Variants in IFT52 observed in about 807,000 individuals in gnomAD.
IFT52 encodes intraflagellar transport 52, also known as intraflagellar transport protein 52 homolog.
In IFT52, 44 loss-of-function variants were observed where a neutral mutation model predicts 54.4. The observed-to-expected ratio is 0.81, with a 90% CI of 0.63 to 1.04. IFT52 has a LOEUF of 1.04. Ranked by LOEUF, IFT52 falls within the 50% of genes least tolerant of loss-of-function variation. The pLI is 0.00. For synonymous variants in IFT52, 181 were observed against 185.3 expected (o/e 0.98, Z 0.19); for missense variants, 452 against 523.6 (o/e 0.86, Z 1.33).
rs552694315 is a variant in IFT52 at position 43,635,961 on chromosome 20, T to G, written c.959T>G (p.Leu320Arg). ...HEQLNVKHEP[L>R]QLIQPQFETP... ...CAGCTAAATGTGAAACATGAACCACTCCAGCTCATCCAGCCTCAGTTTGAG... is the reference window on the plus strand; with the variant it reads ...CAGCTAAATGTGAAACATGAACCACGCCAGCTCATCCAGCCTCAGTTTGAG... The change falls in exon 11 of 14, where the codon CTC becomes CGC. Residue 320 changes from leucine (L) to arginine (R), a missense_variant. By Grantham distance (102) the Leu-to-Arg change is moderately radical (BLOSUM62 -2). Transcript: ENST00000373030. 6.2e-7 allele frequency: 1 copy of G among 1,614,192 alleles called. No individual in the cohort carries two copies. Among genetic ancestry groups the G allele is most frequent in the Non-Finnish European group, 8.5e-7 (1 of 1,180,022 alleles).
Position 43,643,770 on chromosome 20 carries a change from A to G in IFT52, c.1266+1146A>G, listed in dbSNP as rs1231674178. Among the ~76,000 whole-genome samples, 7 of 58,382 alleles carry G rather than the reference A, an allele frequency of 1.2e-4. 3 individuals are homozygous for G. The Admixed American group carries it at 1.4e-3, about 11-fold the overall frequency. The allele number at this position is 58,382 out of a possible 152,430, so 38.3% of individuals were successfully genotyped here. A position where few individuals can be genotyped will look rare whatever the true frequency, so the allele number is the denominator to read the frequency against. On this transcript the variant is annotated intron_variant, in intron 13 of 13. Coordinates refer to ENST00000373030, the MANE Select transcript of IFT52 (RefSeq NM_016004.5). ...GTGACAAGAGAACAGAGGAAAGGAC[A>G]GAGCAGTAGAACATGAGGTGATCAC...
chr20:43,646,338 G>T (rs968687349), intron 13 of IFT52, among the ~76,000 whole-genome samples: 5 of 152,156 alleles, frequency 3.3e-5, no homozygotes, highest in Non-Finnish European at 7.3e-5. Flanking sequence ...GACCAATTAG[G>T]TTCTGAGCCT....
At chr20:43,616,843 A>G (rs1027472353) in intron 7 of IFT52, among the ~76,000 whole-genome samples, 2 of 152,056 alleles carry the variant, frequency 1.3e-5, no homozygotes, top group East Asian at 3.9e-4. Context: ...CAACATAGTA[A>G]GACCTGTCTC....
chr20:43,604,306 C>A, intron 5 of IFT52, 48 bp downstream of exon 5: 1 of 1,352,974 alleles, frequency 7.4e-7, no homozygotes. Flanking sequence ...TCGTCGCTCA[C>A]ACCTGTAATC....
chr20:43,622,421 A>T (rs2145638073), intron 9 of IFT52, among the ~76,000 whole-genome samples: 1 of 145,268 alleles, frequency 6.9e-6, no homozygotes, highest in East Asian at 2.0e-4. Context: ...ACACAGTGAA[A>T]CCCCATTTCT....
At chr20:43,646,159 C>T (rs1022405185) in intron 13 of IFT52, among the ~76,000 whole-genome samples, 3 of 148,524 alleles carry the variant, frequency 2.0e-5, no homozygotes, top group Non-Finnish European at 3.0e-5. Context: ...TGCAGTGAGC[C>T]GAGATCACGC....
At chr20:43,603,228 C>G (rs1363919163) in intron 3 of IFT52, among the ~76,000 whole-genome samples, 1 of 152,108 alleles carries the variant, frequency 6.6e-6, no homozygotes, top group East Asian at 1.9e-4. Flanking sequence ...GCGTTTCTCT[C>G]TATGGTTTGG....
At chr20:43,628,539 A>G (rs1984915358) in intron 10 of IFT52, among the ~76,000 whole-genome samples, 1 of 152,184 alleles carries the variant, frequency 6.6e-6, no homozygotes, top group Non-Finnish European at 1.5e-5. Flanking sequence ...ATGAAATAGG[A>G]AACAAGATCA....
Position 43,646,925 on chromosome 20 carries a change from C to T in IFT52, c.1267-11C>T. 1 of 1,610,542 alleles carries T rather than the reference C, an allele frequency of 6.2e-7. No individual in the cohort carries two copies. The highest frequency in any genetic ancestry group is 8.5e-7 in the Non-Finnish European group (1 of 1,176,904). Reference sequence around the variant, plus strand: ...AAATACTAAAATTCTGTGTCTTATTCTCTCATCCAGGAACATGACATCGAT... The same window carrying T: ...AAATACTAAAATTCTGTGTCTTATTTTCTCATCCAGGAACATGACATCGAT... On this transcript the variant is annotated splice_polypyrimidine_tract_variant and intron_variant, in intron 13 of 13. Coordinates refer to ENST00000373030, the MANE Select transcript of IFT52 (RefSeq NM_016004.5).
chr20:43,604,355 A>C, intron 5 of IFT52, 97 bp downstream of exon 5: 8 of 839,902 alleles, frequency 9.5e-6, no homozygotes, highest in Non-Finnish European at 1.4e-5. Flanking sequence ...GATCATTTTG[A>C]GGTCAGGAGT....
At chr20:43,621,077 T>C (rs2145635693) in intron 9 of IFT52, 152 bp downstream of exon 9, 1 of 578,780 alleles carries the variant, frequency 1.7e-6, no homozygotes, top group Non-Finnish European at 3.1e-6. Context: ...GAAGGCCATA[T>C]TGTAAAAAAT....
At position 43,613,785 on chromosome 20, in the gene IFT52, A is replaced by G. The variant is rs915023176; in HGVS notation, c.486-65A>G. 7.3e-5 allele frequency: 108 copies of G among 1,488,218 alleles called. No individual in the cohort carries two copies. In the East Asian group the frequency reaches 2.4e-3, roughly 34 times the overall value. The allele number at this position is 1,488,218 out of a possible 1,614,324, so 92.2% of individuals were successfully genotyped here. A position where few individuals can be genotyped will look rare whatever the true frequency, so the allele number is the denominator to read the frequency against. ...AGAGTGTTACTCAAGAAACATTGAGATTATTTTCAGAATTTTTGTATTCAT... is the reference window on the plus strand; with the variant it reads ...AGAGTGTTACTCAAGAAACATTGAGGTTATTTTCAGAATTTTTGTATTCAT... On this transcript the variant is annotated intron_variant, in intron 6 of 13. Transcript: ENST00000373030.
At chr20:43,606,837 C>T (rs1982927191) in intron 6 of IFT52, among the ~76,000 whole-genome samples, 2 of 152,148 alleles carry the variant, frequency 1.3e-5, no homozygotes, top group African/African-American at 4.8e-5. Flanking sequence ...GCACATCTTG[C>T]ACCGCCCTTA....
At chr20:43,624,479 G>T (rs1298070101) in intron 10 of IFT52, among the ~76,000 whole-genome samples, 1 of 152,092 alleles carries the variant, frequency 6.6e-6, no homozygotes, top group Admixed American at 6.6e-5. Flanking sequence ...CTGTGTTCTG[G>T]GCACTCTCAG....
At chr20:43,641,228 T>C (rs1382492801) in intron 12 of IFT52, among the ~76,000 whole-genome samples, 1 of 152,068 alleles carries the variant, frequency 6.6e-6, no homozygotes, top group Non-Finnish European at 1.5e-5. Flanking sequence ...TGTTTTGTTT[T>C]GTTTTGTTTT....
At chr20:43,605,327 A>C in intron 6 of IFT52, 1 of 799,482 alleles carries the variant, frequency 1.3e-6, no homozygotes, top group Non-Finnish European at 1.7e-6. Flanking sequence ...TGGGTGGCCC[A>C]CCTGAGGTCA....
chr20:43,637,915 A>G (rs564742434), intron 12 of IFT52, among the ~76,000 whole-genome samples: 1 of 152,270 alleles, frequency 6.6e-6, no homozygotes, highest in South Asian at 2.1e-4. Flanking sequence ...AAATAAGGAA[A>G]TTGAGTAAGG....
At chr20:43,610,447 A>G (rs115852071) in intron 6 of IFT52, among the ~76,000 whole-genome samples, 1 of 152,120 alleles carries the variant, frequency 6.6e-6, no homozygotes, top group Non-Finnish European at 1.5e-5. Context: ...TCAAGAATCA[A>G]TCTAGGCTGG....
At chr20:43,608,184 G>A (rs1444235050) in intron 6 of IFT52, among the ~76,000 whole-genome samples, 1 of 152,164 alleles carries the variant, frequency 6.6e-6, no homozygotes, top group African/African-American at 2.4e-5. Context: ...GGGAGAGGGA[G>A]AGGGAGTGGG....
Sources: gnomAD v4.1 joint callset for allele counts (sites outside exome capture counted in the v4.1 genomes callset) on GRCh38, gnomAD v4.1.1 for gene constraint, MANE v1.5 for transcripts, NCBI Gene and HGNC (gene_info 2026-07-23, HGNC 2026-07-21) for gene names.